The following CDH8 variants were observed in gnomAD, a reference collection of about 807,000 sequenced individuals.
CDH8 encodes the protein cadherin-8.
Under a neutral mutation model 68.1 loss-of-function variants are expected in CDH8, and 17 were observed. The ratio of observed to expected loss-of-function variants is 0.25; its 90% confidence interval spans 0.17 to 0.37. CDH8 has a LOEUF of 0.37. Ranked by LOEUF, CDH8 falls within the 10% of genes least tolerant of loss-of-function variation. The pLI is 1.00. For missense variants in CDH8, 763 were observed against 999.3 expected (o/e 0.76, Z 3.19); for synonymous variants, 372 against 365.1 (o/e 1.02, Z -0.21).
At position 61,769,399 on chromosome 16, in the gene CDH8, A is replaced by G. The variant is rs74508843; in HGVS notation, c.1414+19947T>C. On this transcript the variant is annotated intron_variant, in intron 8 of 11. Transcript: ENST00000577390. ...TCTGCACCTTAATGTGATGAAATTG[A>G]GGTTTAAAAGGAATGAGTACTTTGA... 1.3e-3 allele frequency among the ~76,000 whole-genome samples: 205 copies of G among 151,992 alleles called. 6 individuals are homozygous for G. The East Asian group carries it at 0.022, about 16-fold the overall frequency.
At chr16:61,967,762 A>G (rs563772964) in intron 2 of CDH8, among the ~76,000 whole-genome samples, 5 of 152,302 alleles carry the variant, frequency 3.3e-5, no homozygotes, top group African/African-American at 9.6e-5. Context: ...AGGGATGCTC[A>G]ATCTGTACTT....
chr16:61,827,808 C>G (rs1020001529), intron 4 of CDH8, among the ~76,000 whole-genome samples: 3 of 151,770 alleles, frequency 2.0e-5, no homozygotes, highest in African/African-American at 7.3e-5. Flanking sequence ...GGGGCACTGA[C>G]CCCACGTACA....
chr16:61,976,164 T>G (rs764713776), intron 2 of CDH8, among the ~76,000 whole-genome samples: 21 of 152,178 alleles, frequency 1.4e-4, no homozygotes, highest in Non-Finnish European at 2.9e-4. Context: ...TCTAGCAAAA[T>G]GTACTGCATA....
At chr16:61,762,987 G>A (rs72798706) in intron 8 of CDH8, among the ~76,000 whole-genome samples, 8,853 of 152,226 alleles carry the variant, frequency 0.058, 324 homozygotes, top group South Asian at 0.082. Context: ...AAATGCAGCT[G>A]TGCTTCTGGT....
chr16:61,751,490 C>G (rs1960163423), intron 8 of CDH8, among the ~76,000 whole-genome samples: 1 of 150,828 alleles, frequency 6.6e-6, no homozygotes, highest in South Asian at 2.1e-4. Context: ...AAGACACATC[C>G]TAGCTCAAGA....
At chr16:61,748,320 A>T (rs189321595) in intron 8 of CDH8, among the ~76,000 whole-genome samples, 10 of 152,102 alleles carry the variant, frequency 6.6e-5, no homozygotes, top group Admixed American at 6.6e-4. Flanking sequence ...TCCTATGGAG[A>T]AAGTGGCATG....
At chr16:61,980,890 A>G (rs1965519062) in intron 2 of CDH8, among the ~76,000 whole-genome samples, 1 of 152,182 alleles carries the variant, frequency 6.6e-6, no homozygotes, top group Admixed American at 6.5e-5. Context: ...AGAAGAAAAA[A>G]CGCCAGATTT....
chr16:61,990,164 A>T (rs1415696784), intron 2 of CDH8, among the ~76,000 whole-genome samples: 1 of 152,144 alleles, frequency 6.6e-6, no homozygotes, highest in African/African-American at 2.4e-5. Flanking sequence ...GTGCGGTAGT[A>T]ATCATTAAGT....
chr16:61,667,629 C>T (rs1169621507), intron 10 of CDH8: 1 of 152,070 alleles, frequency 6.6e-6, no homozygotes, highest in African/African-American at 2.4e-5. Flanking sequence ...GAGCATGGCC[C>T]TGCCCACACC....
chr16:61,750,158 T>A (rs994697304), intron 8 of CDH8, among the ~76,000 whole-genome samples: 5 of 152,050 alleles, frequency 3.3e-5, no homozygotes, highest in Non-Finnish European at 7.4e-5. Flanking sequence ...TGAGAAAATG[T>A]GGTATTTGGC....
chr16:61,710,460 C>T (rs1964610795), intron 10 of CDH8, among the ~76,000 whole-genome samples: 1 of 151,960 alleles, frequency 6.6e-6, no homozygotes, highest in Non-Finnish European at 1.5e-5. Flanking sequence ...CAAAAGTATG[C>T]ATTTAAAGTA....
At chr16:61,858,749 G>A (rs1172274276) in intron 3 of CDH8, among the ~76,000 whole-genome samples, 2 of 152,114 alleles carry the variant, frequency 1.3e-5, no homozygotes, top group African/African-American at 2.4e-5. Flanking sequence ...ACTCCATAGG[G>A]CTCTAGAGAT....
At chr16:61,806,866 T>G (rs1412432565) in intron 7 of CDH8, among the ~76,000 whole-genome samples, 2 of 97,748 alleles carry the variant, frequency 2.0e-5, no homozygotes, top group Non-Finnish European at 4.1e-5. Flanking sequence ...ACTTTTACAC[T>G]GTTGGTGGGA....
chr16:61,917,437 G>T (rs1964259190), intron 2 of CDH8, among the ~76,000 whole-genome samples: 1 of 152,118 alleles, frequency 6.6e-6, no homozygotes. Flanking sequence ...CAACATTTGA[G>T]CCTAGTGTGT....
intron 8 of CDH8, among the ~76,000 whole-genome samples, chr16:61,753,568 G>A (rs1960228355): frequency 6.6e-6 from 1 of 152,108 alleles, no homozygotes; most frequent in African/African-American, 2.4e-5. Context: ...TAGATGTTAA[G>A]TATTCCAAAG....
Position 61,922,514 on chromosome 16 carries a change from T to C in CDH8, c.253-21041A>G, listed in dbSNP as rs555395186. Among the ~76,000 whole-genome samples, 6 of 152,330 alleles carry C rather than the reference T, an allele frequency of 3.9e-5. No individual in the cohort carries two copies. In the South Asian group the frequency reaches 1.2e-3, roughly 32 times the overall value. ...TTTTATATACCATTTTGCATCCTGC[T>C]TTTTTCACTTTATTGTTTTTAGATA... On this transcript the variant is annotated intron_variant, in intron 2 of 11. Transcript: ENST00000577390.
chr16:61,744,733 T>A (rs1156672028), intron 8 of CDH8, among the ~76,000 whole-genome samples: 1 of 151,460 alleles, frequency 6.6e-6, no homozygotes. Context: ...ACACTAAATA[T>A]ATAATTCATA....
chr16:61,692,295 G>A (rs1013846123), intron 10 of CDH8: 1 of 152,124 alleles, frequency 6.6e-6, no homozygotes, highest in African/African-American at 2.4e-5. Context: ...CCTGACCACT[G>A]GATACTTCTT....
At chr16:61,697,012 G>A (rs1309541436) in intron 10 of CDH8, among the ~76,000 whole-genome samples, 1 of 152,048 alleles carries the variant, frequency 6.6e-6, no homozygotes, top group African/African-American at 2.4e-5. Context: ...TGGGTAACAG[G>A]ATTATTCATA....
Sources: gnomAD v4.1 joint callset for allele counts (sites outside exome capture counted in the v4.1 genomes callset) on GRCh38, gnomAD v4.1.1 for gene constraint, MANE v1.5 for transcripts, NCBI Gene and HGNC (gene_info 2026-07-23, HGNC 2026-07-21) for gene names.